Variants in MT1G observed in about 807,000 individuals in gnomAD.
MT1G encodes the protein metallothionein-1G.
MT1G carries 8 observed loss-of-function variants against 9.1 expected under a neutral mutation model. The ratio of observed to expected loss-of-function variants is 0.87; its 90% CI spans 0.51 to 1.58. MT1G has a LOEUF of 1.58. Among genes scored for constraint, MT1G ranks in the 40% most tolerant of loss-of-function variants. The probability of loss-of-function intolerance (pLI) is 0.00; values close to 1 mark genes in which losing one functional copy is unlikely to be tolerated. For synonymous variants in MT1G, 31 were observed against 28.4 expected, an observed-to-expected ratio of 1.09 and a Z score of -0.29; for missense variants, 79 against 77.3, an observed-to-expected ratio of 1.02 and a Z score of -0.08.
intron 2 of MT1G, 95 bp downstream of exon 2, chr16:56,667,217 G>C (rs1415365421): frequency 1.2e-6 from 2 of 1,606,128 alleles, no homozygotes; most frequent in East Asian, 4.5e-5. Flanking sequence ...ACAAAGGAAG[G>C]CCGGTTCCCC....
At position 56,667,400 on chromosome 16, in the gene MT1G, TGAACG is replaced by T. The variant is rs1960799663; in HGVS notation, c.29-25_29-21del. 6.2e-7 allele frequency: 1 copy of T among 1,614,004 alleles called. No homozygotes were observed. Among genetic ancestry groups the T allele is most frequent in the African/African-American group, 1.3e-5 (1 of 75,020 alleles). On this transcript the variant is annotated intron_variant, in intron 1 of 2. Transcript: ENST00000379811. ...CACCTGCTAGAAGAGAAAAAGCCAGTGAACGGTGAGTGAGATGCAGAAGGTACAGC... is the reference window on the plus strand; with the variant it reads ...CACCTGCTAGAAGAGAAAAAGCCAGTGTGAGTGAGATGCAGAAGGTACAGC...
intron 1 of MT1G, 131 bp downstream of exon 1, chr16:56,667,835 G>T (rs1350317191): frequency 3.6e-6 from 4 of 1,105,016 alleles, no homozygotes; most frequent in South Asian, 1.3e-5. Flanking sequence ...TGGCCAACAG[G>T]AAAGCACTGG....
At chr16:56,667,871 C>T in intron 1 of MT1G, 95 bp downstream of exon 1, 2 of 1,467,706 alleles carry the variant, frequency 1.4e-6, no homozygotes, top group Non-Finnish European at 1.9e-6. Flanking sequence ...CCCTTTACCT[C>T]TGATAGCAAA....
rs776074108 is a variant in MT1G at position 56,667,377 on chromosome 16, C to T, written c.32G>A (p.Gly11Asp). Reference protein sequence around the residue: MDPNCSCAAAGVSCTCASSCK... With the variant: MDPNCSCAAADVSCTCASSCK... ...GGAGCTGGCGCAGGTGCAGGAGACA[C>T]CTGCTAGAAGAGAAAAAGCCAGTGA... Residue 11 changes from glycine (G) to aspartate (D), a missense_variant, in exon 2 of 3, where the codon GGT (glycine) becomes GAT (aspartate). Physicochemically the swap from Gly to Asp is moderately conservative, Grantham distance 94. Coordinates refer to ENST00000379811, the MANE Select transcript of MT1G (RefSeq NM_001301267.2). The T allele has an allele frequency of 1.2e-6, 2 of 1,614,064 alleles. No homozygotes were observed. Among genetic ancestry groups the T allele is most frequent in the South Asian group, 2.2e-5 (2 of 91,092 alleles).
rs1960814297 is a variant in MT1G, at chr16:56,668,057, A to G, written c.-64T>C. 3 of 1,570,316 alleles carry G rather than the reference A, an allele frequency of 1.9e-6. No individual in the cohort carries two copies. The highest frequency in any genetic ancestry group is 1.7e-5 in the Admixed American group (1 of 59,812). On this transcript the variant is annotated 5_prime_UTR_variant, in exon 1 of 3. Transcript: ENST00000379811. ...GGAAGAGGCAGTGGGTGCACGTGGA[A>G]GGCGGAGTGGAGCCCAACAGCCAGC...
intron 2 of MT1G, 21 bp downstream of exon 2, chr16:56,667,291 T>G: frequency 1.2e-6 from 2 of 1,614,260 alleles, no homozygotes; most frequent in African/African-American, 2.7e-5. Flanking sequence ...CCCAGATTCC[T>G]GGAGATGGCC....
intron 1 of MT1G, among the ~76,000 whole-genome samples, chr16:56,667,745 T>G (rs2144350672): frequency 6.6e-6 from 1 of 152,172 alleles, no homozygotes; most frequent in East Asian, 1.9e-4. Flanking sequence ...CCAGGTGACG[T>G]GGAGCAGGAC....
At chr16:56,667,028 C>T in intron 2 of MT1G, 58 bp from the exon 3 acceptor site, 2 of 1,608,372 alleles carry the variant, frequency 1.2e-6, no homozygotes, top group South Asian at 2.2e-5. Context: ...ACTCCCTGCC[C>T]CAACAGAGGC....
At chr16:56,667,729 GACCA>G (rs1322774915) in intron 1 of MT1G, among the ~76,000 whole-genome samples, 2 of 152,196 alleles carry the variant, frequency 1.3e-5, no homozygotes, top group Non-Finnish European at 2.9e-5. Flanking sequence ...GCAGCCCTGT[GACCA>G]ACCAGGTGAC....
chr16:56,667,382 T>A lies in MT1G; in HGVS notation c.29-2A>T, dbSNP rs2298847. The A allele has an allele frequency of 0.14, 221,698 of 1,613,798 alleles. 19,757 individuals carry two copies. Among genetic ancestry groups the A allele is most frequent in the East Asian group, 0.38 (17,258 of 44,844 alleles). ...TGGCGCAGGTGCAGGAGACACCTGC[T>A]AGAAGAGAAAAAGCCAGTGAACGGT... On this transcript the variant is annotated splice_acceptor_variant, in intron 1 of 2. Transcript: ENST00000379811. LOFTEE classifies it low-confidence loss of function (ANC_ALLELE).
chr16:56,666,900 C>T lies in MT1G; in HGVS notation c.168G>A (p.Glu56=), dbSNP rs767640652. The change falls in exon 3 of 3, where the codon GAG becomes GAA. Residue 56 remains glutamate, a synonymous_variant. Coordinates refer to ENST00000379811, the MANE Select transcript of MT1G (RefSeq NM_001301267.2). Reference sequence around the variant, plus strand: ...GACATCAGGCGCAGCAGCTGCACTTCTCCGATGCCCCTTTGCAGATGCAGC... The same window carrying T: ...GACATCAGGCGCAGCAGCTGCACTTTTCCGATGCCCCTTTGCAGATGCAGC... The part of the protein sequence containing the change: ...AQGCICKGAS[E]KCSCCA 2.5e-6 allele frequency: 4 copies of T among 1,614,190 alleles called. No individual in the cohort carries two copies. Among genetic ancestry groups the T allele is most frequent in the Non-Finnish European group, 2.5e-6 (3 of 1,180,044 alleles).
Position 56,667,901 on chromosome 16 carries a change from A to G in MT1G, c.28+65T>C, listed in dbSNP as rs1205887855. On this transcript the variant is annotated intron_variant, in intron 1 of 2. Transcript: ENST00000379811. ...AGCAAAATACGACCTCCTCAAACCC[A>G]GGGACACTCTCTATGGTGTCTGGGA... is the stretch of plus-strand genomic sequence containing the variant. 1.9e-6 allele frequency: 3 copies of G among 1,588,832 alleles called. No homozygotes were observed. The South Asian group carries it at 3.3e-5, about 18-fold the overall frequency.
At chr16:56,667,003 A>C (rs775494840) in intron 2 of MT1G, 33 bp from the exon 3 acceptor site, 12 of 1,612,116 alleles carry the variant, frequency 7.4e-6, no homozygotes, top group Middle Eastern at 1.8e-4. Flanking sequence ...AGGTCAGAGC[A>C]GACTCGATCA....
chr16:56,667,069 C>G, intron 2 of MT1G, 99 bp from the exon 3 acceptor site: 4 of 1,591,804 alleles, frequency 2.5e-6, no homozygotes, highest in East Asian at 2.2e-5. Context: ...CCAGAGGACC[C>G]TTAGTTCATG....
At chr16:56,667,091 T>C in intron 2 of MT1G, 121 bp from the exon 3 acceptor site, 3 of 1,577,964 alleles carry the variant, frequency 1.9e-6, no homozygotes, top group Non-Finnish European at 2.6e-6. Flanking sequence ...TGGCATGGTT[T>C]TTGTCAGGAG....
rs1156452746 is a variant in MT1G at position 56,667,115 on chromosome 16, A to G, written c.98-145T>C. 9 of 1,557,496 alleles carry G rather than the reference A, an allele frequency of 5.8e-6. No homozygotes were observed. In the Admixed American group the frequency reaches 1.6e-4, roughly 27 times the overall value. ...TTTTGTCAGGAGACAACTGGTGGAC[A>G]TTGGAATGGGTCTTCCTTTGAGAAA... is the stretch of plus-strand genomic sequence containing the variant. On this transcript the variant is annotated intron_variant, in intron 2 of 2. Coordinates refer to ENST00000379811, the MANE Select transcript of MT1G (RefSeq NM_001301267.2).
intron 2 of MT1G, 78 bp from the exon 3 acceptor site, chr16:56,667,048 TC>T: frequency 6.2e-7 from 1 of 1,601,072 alleles, no homozygotes; most frequent in Non-Finnish European, 8.5e-7. Flanking sequence ...CCTGTCTCCA[TC>T]CCTCCAGCCC....
Position 56,668,065 on chromosome 16 carries a change from T to G in MT1G, c.-72A>C, listed in dbSNP as rs78780944. 6.5e-7 allele frequency: 1 copy of G among 1,542,992 alleles called. No homozygotes were observed. The highest frequency in any genetic ancestry group is 9.0e-7 in the Non-Finnish European group (1 of 1,117,154). On this transcript the variant is annotated 5_prime_UTR_variant, in exon 1 of 3. Coordinates refer to ENST00000379811, the MANE Select transcript of MT1G (RefSeq NM_001301267.2). ...CAGTGGGTGCACGTGGAAGGCGGAG[T>G]GGAGCCCAACAGCCAGCGGCTGTTT...
At chr16:56,667,107 T>G in intron 2 of MT1G, 137 bp from the exon 3 acceptor site, 1 of 1,559,200 alleles carries the variant, frequency 6.4e-7, no homozygotes, top group South Asian at 1.2e-5. Context: ...AGGAGACAAC[T>G]GGTGGACATT....
Sources: allele counts gnomAD v4.1 joint callset (sites outside exome capture counted in the v4.1 genomes callset), GRCh38; gene constraint gnomAD v4.1.1; transcripts MANE v1.5; gene names NCBI Gene and HGNC (gene_info 2026-07-23, HGNC 2026-07-21).